PCDHA2: variants seen among roughly 807,000 people sequenced by gnomAD.
The protein encoded by PCDHA2 is protocadherin alpha 2, also known as protocadherin alpha-2.
A neutral mutation model predicts 66.0 loss-of-function variants in PCDHA2; 58 were observed. The observed-to-expected ratio is 0.88, with a 90% confidence interval of 0.71 to 1.09. The LOEUF is 1.09. Among genes scored for constraint, PCDHA2 ranks in the 50% least tolerant of loss-of-function variants. The pLI is 0.00. For missense variants in PCDHA2, 1,267 were observed against 1,242.3 expected, an observed-to-expected ratio of 1.02 and a Z score of -0.30; for synonymous variants, 634 against 554.0, an observed-to-expected ratio of 1.14 and a Z score of -2.03.
In PCDHA2 at chr5:140,843,462, C is replaced by T. The variant is rs2150360645; in HGVS notation, c.2388+46110C>T. 3.1e-6 allele frequency: 5 copies of T among 1,596,046 alleles called. 1 individual carries two copies. The highest frequency in any genetic ancestry group is 2.2e-5 in the East Asian group (1 of 44,822). ...GCGGTATCCAGCCTGCTGGTGCTCACGCTGCTGCTGTACACTGCGCTGCGG... is the reference window on the plus strand; with the variant it reads ...GCGGTATCCAGCCTGCTGGTGCTCATGCTGCTGCTGTACACTGCGCTGCGG... On this transcript the variant is annotated intron_variant, in intron 1 of 3. Coordinates refer to ENST00000526136, the MANE Select transcript of PCDHA2 (RefSeq NM_018905.3).
intron 1 of PCDHA2, among the ~76,000 whole-genome samples, chr5:140,947,506 A>C (rs1034178009): frequency 6.6e-6 from 1 of 151,700 alleles, no homozygotes; most frequent in Non-Finnish European, 1.5e-5. Flanking sequence ...TTAAATTTTC[A>C]TATAAATTTT....
chr5:140,928,942 T>C lies in PCDHA2; in HGVS notation c.2389-50007T>C. The stretch of plus-strand genomic sequence containing the variant: ...GCAGCTTTCTGCCCAGAACTTGTAT[T>C]TAGTAATTGCCTTGGCTTGTATTTC... On this transcript the variant is annotated intron_variant, in intron 1 of 3. Transcript: ENST00000526136. 4 of 1,614,060 alleles carry C rather than the reference T, an allele frequency of 2.5e-6. No individual in the cohort carries two copies. The South Asian group carries it at 4.4e-5, about 18-fold the overall frequency.
intron 1 of PCDHA2, chr5:140,927,135 G>T: frequency 6.2e-7 from 1 of 1,614,062 alleles, no homozygotes; most frequent in Non-Finnish European, 8.5e-7. Flanking sequence ...GAGAGCCGGC[G>T]GACCGCGAAC....
intron 1 of PCDHA2, chr5:140,870,945 G>A (rs782397621): frequency 1.2e-6 from 2 of 1,613,724 alleles, no homozygotes; most frequent in Non-Finnish European, 1.7e-6. Context: ...AGCCGGCGGC[G>A]GGCGGCTCGC....
At chr5:140,862,305 C>T (rs953461441) in intron 1 of PCDHA2, 3 of 278,650 alleles carry the variant, frequency 1.1e-5, no homozygotes, top group Non-Finnish European at 2.1e-5. Flanking sequence ...CCACTGGGTA[C>T]CGTCATAGCC....
At chr5:140,929,459 G>A in intron 1 of PCDHA2, 1 of 1,350,080 alleles carries the variant, frequency 7.4e-7, no homozygotes. Flanking sequence ...CACTTCCTGT[G>A]CCAAGAAATC....
At chr5:140,915,831 G>T (rs1326644343) in intron 1 of PCDHA2, among the ~76,000 whole-genome samples, 1 of 152,168 alleles carries the variant, frequency 6.6e-6, no homozygotes, top group Non-Finnish European at 1.5e-5. Flanking sequence ...AGGGCTCTAA[G>T]ATCAGCAGGG....
rs1445142594 is a variant in PCDHA2 at position 140,808,586 on chromosome 5, A to C, written c.2388+11234A>C. 3 of 1,613,900 alleles carry C rather than the reference A, an allele frequency of 1.9e-6. No individual in the cohort carries two copies. In the African/African-American group the frequency reaches 4.0e-5, roughly 22 times the overall value. On this transcript the variant is annotated intron_variant, in intron 1 of 3. Transcript: ENST00000526136. ...CGAGTACACAGTGTTCGTGAAGGAG[A>C]ACAACCCGCCGGGCTGCCACATCTT...
At chr5:140,979,486 C>T (rs1222755275) in intron 2 of PCDHA2, among the ~76,000 whole-genome samples, 1 of 152,032 alleles carries the variant, frequency 6.6e-6, no homozygotes, top group African/African-American at 2.4e-5. Flanking sequence ...TGTGTTCACA[C>T]CTATTAGAGC....
chr5:140,814,816 GCTAT>G (rs1765597379), intron 1 of PCDHA2: 1 of 152,104 alleles, frequency 6.6e-6, no homozygotes, highest in Non-Finnish European at 1.5e-5. Context: ...TTATTGTATT[GCTAT>G]CTATTTCTCC....
intron 1 of PCDHA2, chr5:140,830,297 A>G (rs1359749137): frequency 6.2e-7 from 1 of 1,613,732 alleles, no homozygotes; most frequent in East Asian, 2.2e-5. Context: ...CACGGCGGAC[A>G]AGCCCACGCT....
chr5:140,966,698 G>C, intron 1 of PCDHA2: 2 of 1,363,568 alleles, frequency 1.5e-6, no homozygotes, highest in Non-Finnish European at 1.9e-6. Flanking sequence ...CGGGGCCCGG[G>C]CGTGGGGCAC....
chr5:140,973,390 AATC>A (rs1554235235), intron 1 of PCDHA2, among the ~76,000 whole-genome samples: 1 of 152,224 alleles, frequency 6.6e-6, no homozygotes, highest in East Asian at 1.9e-4. Context: ...TAGACAAAGA[AATC>A]ATATCTATGA....
intron 1 of PCDHA2, among the ~76,000 whole-genome samples, chr5:140,946,691 G>A (rs782114019): frequency 3.4e-5 from 5 of 147,578 alleles, no homozygotes; most frequent in African/African-American, 5.1e-5. Context: ...TGACAATATG[G>A]ATGAATCTGG....
At position 140,857,968 on chromosome 5, in the gene PCDHA2, C is replaced by T. The variant is rs782482021; in HGVS notation, c.2388+60616C>T. The T allele has an allele frequency of 5.8e-5, 93 of 1,597,052 alleles. 13 individuals are homozygous for T. The Middle Eastern group carries it at 6.7e-4, about 11-fold the overall frequency. ...CGACGCGCGCTCTGGATGAGACTGA[C>T]TCGCCACGCCAGCGCCTACTGGTGC... On this transcript the variant is annotated intron_variant, in intron 1 of 3. Coordinates refer to ENST00000526136, the MANE Select transcript of PCDHA2 (RefSeq NM_018905.3).
intron 1 of PCDHA2, chr5:140,851,957 G>A: frequency 1.0e-6 from 1 of 975,112 alleles, no homozygotes; most frequent in Non-Finnish European, 1.2e-6. Flanking sequence ...TCAAAATGGT[G>A]GTTTTCCACA....
intron 1 of PCDHA2, among the ~76,000 whole-genome samples, chr5:140,955,475 C>T (rs246017): frequency 0.56 from 85,566 of 151,816 alleles, 24,719 homozygotes; most frequent in African/African-American, 0.69. Context: ...TGCTTGGCAC[C>T]TCTCCTTCCT....
At chr5:140,861,662 G>A (rs1396410741) in intron 1 of PCDHA2, 1 of 264,436 alleles carries the variant, frequency 3.8e-6, no homozygotes, top group East Asian at 9.8e-5. Flanking sequence ...TGAAACGAGA[G>A]CTCTTGATTA....
chr5:140,825,840 C>T (rs1347379452), intron 1 of PCDHA2: 1 of 152,306 alleles, frequency 6.6e-6, no homozygotes, highest in Non-Finnish European at 1.5e-5. Context: ...AATAAATATA[C>T]CATGATACAA....
Sources: gnomAD v4.1 joint callset for allele counts (sites outside exome capture counted in the v4.1 genomes callset) on GRCh38, gnomAD v4.1.1 for gene constraint, MANE v1.5 for transcripts, NCBI Gene and HGNC (gene_info 2026-07-23, HGNC 2026-07-21) for gene names.